Variants in CHRNB4 observed in about 807,000 individuals in gnomAD.
The protein encoded by CHRNB4 is neuronal acetylcholine receptor subunit beta-4.
CHRNB4 carries 23 observed loss-of-function variants against 40.4 expected under a neutral mutation model. The observed-to-expected ratio is 0.57, with a 90% CI of 0.41 to 0.81. The LOEUF (loss-of-function observed/expected upper bound fraction) is 0.81, where lower values mean the gene tolerates loss of function less well. Among genes scored for constraint, CHRNB4 ranks in the 30% least tolerant of loss-of-function variants. The probability of loss-of-function intolerance (pLI) is 0.00; values close to 1 mark genes in which losing one functional copy is unlikely to be tolerated. For missense variants in CHRNB4, 568 were observed against 670.6 expected (o/e 0.85, Z 1.69); for synonymous variants, 285 against 274.4 (o/e 1.04, Z -0.38).
rs774913735 is a variant in CHRNB4, at chr15:78,641,138, G to T, written c.-5C>A. On this transcript the variant is annotated 5_prime_UTR_variant, in exon 1 of 6. Coordinates refer to ENST00000261751, the MANE Select transcript of CHRNB4 (RefSeq NM_000750.5). ...CAGGGAAGGCGCGCGCCTCATGGCC[G>T]GCGGGGCCGGGTGGCAGCCGCCGCG... is the stretch of plus-strand genomic sequence containing the variant. The T allele has an allele frequency of 1.9e-5, 29 of 1,553,256 alleles. No homozygotes were observed. Among genetic ancestry groups the T allele is most frequent in the Admixed American group, 9.8e-5 (5 of 51,108 alleles).
At chr15:78,649,693 T>C (rs3971872) in intron 6 of CHRNB4, among the ~76,000 whole-genome samples, 135,225 of 152,194 alleles carry the variant, frequency 0.89, 60,146 homozygotes, top group Middle Eastern at 0.92. Flanking sequence ...GACATATACA[T>C]ATTAGCTAAC....
intron 7 of CHRNB4, among the ~76,000 whole-genome samples, chr15:78,648,208 G>C (rs1184870470): frequency 6.7e-6 from 1 of 150,056 alleles, no homozygotes; most frequent in Non-Finnish European, 1.5e-5. Flanking sequence ...CCTGGCTAAC[G>C]CAGTGAAACC....
intron 1 of CHRNB4, among the ~76,000 whole-genome samples, chr15:78,640,718 G>T (rs1002337937): frequency 6.6e-6 from 1 of 152,224 alleles, no homozygotes. Context: ...TGTTGGGAGC[G>T]GGAGTCGGTA....
At chr15:78,647,125 G>C (rs999831217) in intron 7 of CHRNB4, among the ~76,000 whole-genome samples, 3 of 152,194 alleles carry the variant, frequency 2.0e-5, no homozygotes, top group African/African-American at 7.2e-5. Flanking sequence ...GGGCAACAAA[G>C]TGGGACTGTC....
intron 1 of CHRNB4, among the ~76,000 whole-genome samples, chr15:78,637,261 T>C (rs540105347): frequency 2.6e-5 from 4 of 152,298 alleles, no homozygotes; most frequent in African/African-American, 7.2e-5. Context: ...GTCATCTCCC[T>C]CACCTGTCTG....
rs1288670036 is a variant in CHRNB4, at chr15:78,629,510, T to G, written c.795A>C (p.Thr265=). Reference sequence around the variant, plus strand: ...GTGCCAGCAGCACTGAGATGCACAGTGTCATCTTCTCGCCGCAGTCGGATG... The same window carrying G: ...GTGCCAGCAGCACTGAGATGCACAGGGTCATCTTCTCGCCGCAGTCGGATG... ...YLPSDCGEKM[T]LCISVLLALT... The change falls in exon 5 of 6, where the codon ACA becomes ACC. Residue 265 remains threonine, a synonymous_variant. Coordinates refer to ENST00000261751, the MANE Select transcript of CHRNB4 (RefSeq NM_000750.5). This position sits in a 1 kb window ranked among gnomAD's most constrained non-coding sequence, Gnocchi z 6.8. The G allele has an allele frequency of 1.2e-6, 2 of 1,614,042 alleles. No individual in the cohort carries two copies. The highest frequency in any genetic ancestry group is 1.7e-6 in the Non-Finnish European group (2 of 1,179,988).
rs747171633 is a variant in CHRNB4 at position 78,635,565 on chromosome 15, C to A, written c.78G>T (p.Ala26=). ...GAAGGTCGTCCATCAGCTTTTCCTC[C>A]GCATTGGCCACGCGGCAGTTCCCTG... ...CGRGNCRVAN[A]EEKLMDDLLN... is the part of the protein sequence containing the mutation. Residue 26 remains alanine (A), a synonymous_variant, in exon 2 of 6, where the codon GCG becomes GCT. Transcript: ENST00000261751. The A allele has an allele frequency of 6.2e-7, 1 of 1,614,158 alleles. No homozygotes were observed. Among genetic ancestry groups the A allele is most frequent in the Admixed American group, 1.7e-5 (1 of 60,024 alleles).
chr15:78,650,283 G>A (rs1457680378), intron 6 of CHRNB4, among the ~76,000 whole-genome samples: 1 of 152,228 alleles, frequency 6.6e-6, no homozygotes, highest in African/African-American at 2.4e-5. Context: ...GCTGGCCAGA[G>A]AGGATGGAGT....
chr15:78,649,566 TTTTTACACAAAAA>T, intron 6 of CHRNB4: 1 of 289,512 alleles, frequency 3.5e-6, no homozygotes, highest in South Asian at 3.0e-5. Context: ...GCTATATGGC[TTTTTACACAAAAA>T]GTTTGCTGAC....
At chr15:78,657,443 A>T (rs1397837004) in intron 2 of CHRNB4, 2 of 152,240 alleles carry the variant, frequency 1.3e-5, no homozygotes, top group Non-Finnish European at 2.9e-5. Context: ...GTGAATGAAG[A>T]TTGGTAGCAT....
intron 2 of CHRNB4, chr15:78,634,657 T>C: frequency 2.2e-6 from 1 of 454,070 alleles, no homozygotes; most frequent in East Asian, 7.0e-5. Flanking sequence ...TGGTGGTCTC[T>C]TTCCCCTGGC....
Position 78,629,609 on chromosome 15 carries a change from A to G in CHRNB4, c.696T>C (p.Pro232=). 1 of 1,614,032 alleles carries G rather than the reference A, an allele frequency of 6.2e-7. No homozygotes were observed. The highest frequency in any genetic ancestry group is 8.5e-7 in the Non-Finnish European group (1 of 1,179,988). Residue 232 remains proline, a synonymous_variant, in exon 5 of 6, where the codon CCT becomes CCC. Transcript: ENST00000261751. This position sits in a 1 kb window ranked among gnomAD's most constrained non-coding sequence, Gnocchi z 6.8. ...TGATGAGGTTGATGGTGTAGAACAGAGGCTTGCGCTTGATGATGAAGTCGT... is the reference window on the plus strand; with the variant it reads ...TGATGAGGTTGATGGTGTAGAACAGGGGCTTGCGCTTGATGATGAAGTCGT... ...VTYDFIIKRK[P]LFYTINLIIP...
chr15:78,632,167 CTTT>C (rs2053828133), intron 2 of CHRNB4, among the ~76,000 whole-genome samples: 1 of 118,114 alleles, frequency 8.5e-6, no homozygotes, highest in African/African-American at 2.9e-5. Context: ...CTTTTCTTTT[CTTT>C]CTCTTTCTTT....
At chr15:78,646,986 T>TA (rs986130513) in intron 7 of CHRNB4, among the ~76,000 whole-genome samples, 1 of 151,854 alleles carries the variant, frequency 6.6e-6, no homozygotes, top group South Asian at 2.1e-4. Context: ...TCTCTCTATA[T>TA]AAAAAATTAG....
chr15:78,628,921 A>G lies in CHRNB4; in HGVS notation c.1338+46T>C. On this transcript the variant is annotated intron_variant, in intron 5 of 5. Coordinates refer to ENST00000261751, the MANE Select transcript of CHRNB4 (RefSeq NM_000750.5). ...AGTGGGAAGCTGGTGCTACTATCTGAGCCCTTTCTGTTGGGCAGGTGGGCA... is the reference window on the plus strand; with the variant it reads ...AGTGGGAAGCTGGTGCTACTATCTGGGCCCTTTCTGTTGGGCAGGTGGGCA... 2.5e-6 allele frequency: 4 copies of G among 1,568,986 alleles called. No homozygotes were observed. In the South Asian group the frequency reaches 4.8e-5, roughly 19 times the overall value.
chr15:78,625,237 C>A lies in CHRNB4; in HGVS notation c.1393G>T (p.Val465Leu), dbSNP rs764147269. 12 of 1,579,434 alleles carry A rather than the reference C, an allele frequency of 7.6e-6. No homozygotes were observed. The highest frequency in any genetic ancestry group is 1.7e-4 in the Middle Eastern group (1 of 5,878). ...AMVVDRLFLW[V>L]FMFVCVLGTV... ...CCCAGGACGCACACAAACATGAACA[C>A]CCACAGGAACAGCCGGTCCACCACC... The change falls in exon 6 of 6, where the codon GTG (valine) becomes TTG (leucine). Residue 465 changes from valine (V) to leucine (L), a missense_variant. Transcript: ENST00000261751.
At chr15:78,647,227 A>T (rs963361119) in intron 7 of CHRNB4, among the ~76,000 whole-genome samples, 1 of 152,236 alleles carries the variant, frequency 6.6e-6, no homozygotes, top group Non-Finnish European at 1.5e-5. Context: ...ATTCAACCAA[A>T]CATACCACAA....
chr15:78,642,566 G>A (rs1228787417), upstream of CHRNB4, among the ~76,000 whole-genome samples: 1 of 152,134 alleles, frequency 6.6e-6, no homozygotes, highest in Non-Finnish European at 1.5e-5. Flanking sequence ...GCCTGCTGCT[G>A]ATCCGTGGTC....
At chr15:78,655,465 T>C (rs1393742680) in intron 5 of CHRNB4, 1 of 77,016 alleles carries the variant, frequency 1.3e-5, no homozygotes, top group African/African-American at 3.3e-5. Flanking sequence ...TATCTATATA[T>C]CTATATCTAT....
Sources: gnomAD v4.1 joint callset for allele counts (sites outside exome capture counted in the v4.1 genomes callset) on GRCh38, gnomAD v4.1.1 for gene constraint, Gnocchi (gnomAD v3.1) non-coding constraint, MANE v1.5 for transcripts, NCBI Gene and HGNC (gene_info 2026-07-23, HGNC 2026-07-21) for gene names.